The following UMODL1 variants were observed in gnomAD, a reference collection of about 807,000 sequenced individuals.
UMODL1 encodes uromodulin-like 1.
In UMODL1, 128 loss-of-function variants were observed where a neutral mutation model predicts 136.3. The ratio of observed to expected loss-of-function variants is 0.94; its 90% CI spans 0.81 to 1.09. The LOEUF is 1.09. Among genes scored for constraint, UMODL1 ranks in the 50% least tolerant of loss-of-function variants. The probability of loss-of-function intolerance (pLI) is 0.00; values close to 1 mark genes in which losing one functional copy is unlikely to be tolerated. For synonymous variants in UMODL1, 721 were observed against 720.0 expected, an observed-to-expected ratio of 1.00 and a Z score of -0.02; for missense variants, 1,766 against 1,725.6, an observed-to-expected ratio of 1.02 and a Z score of -0.41.
At chr21:42,120,845 C>T (rs35048950) in intron 15 of UMODL1, 140,723 of 417,552 alleles carry the variant, frequency 0.34, 25,013 homozygotes, top group Middle Eastern at 0.41. Context: ...TGCCCAGATC[C>T]CCCTCCCAGC....
chr21:42,128,804 G>A (rs560299734), intron 20 of UMODL1, among the ~76,000 whole-genome samples: 42 of 152,222 alleles, frequency 2.8e-4, no homozygotes, highest in Non-Finnish European at 4.6e-4. Flanking sequence ...CAAGAGGAGC[G>A]GCACACAGTG....
intron 9 of UMODL1, among the ~76,000 whole-genome samples, chr21:42,105,375 T>C (rs1295997795): frequency 1.3e-5 from 2 of 149,816 alleles, no homozygotes; most frequent in Admixed American, 6.6e-5. Flanking sequence ...GCCTCCCTCC[T>C]CCCATCCTCT....
At chr21:42,063,983 G>A (rs1290121346) in intron 1 of UMODL1, among the ~76,000 whole-genome samples, 2 of 152,168 alleles carry the variant, frequency 1.3e-5, no homozygotes, top group African/African-American at 4.8e-5. Flanking sequence ...AGCGCCTGTG[G>A]GATGTGTGGG....
At chr21:42,067,017 C>T (rs145536560), upstream of UMODL1, among the ~76,000 whole-genome samples, 1,709 of 149,388 alleles carry the variant, frequency 0.011, 14 homozygotes, top group Non-Finnish European at 0.017. Context: ...CTCTGTCCTC[C>T]AGGCTGGAGT....
Position 42,113,790 on chromosome 21 carries a change from T to G in UMODL1, c.2322T>G (p.Cys774Trp), listed in dbSNP as rs1440925128. 2 of 1,613,812 alleles carry G rather than the reference T, an allele frequency of 1.2e-6. No individual in the cohort carries two copies. Among genetic ancestry groups the G allele is most frequent in the African/African-American group, 1.3e-5 (1 of 74,888 alleles). The stretch of plus-strand genomic sequence containing the variant: ...TGGTTGAGATCATGGCCAAAGCATG[T>G]GGGAAAGAAGGTGCCAGAGCTCATC... ...LHLVEIMAKA[C>W]GKEGARAHLK... The change falls in exon 13 of 23, where the codon TGT (cysteine) becomes TGG (tryptophan). Residue 774 changes from cysteine to tryptophan, a missense_variant. Coordinates refer to ENST00000408910, the MANE Select transcript of UMODL1 (RefSeq NM_001004416.3).
chr21:42,129,907 C>T lies in UMODL1; in HGVS notation c.3775+110C>T, dbSNP rs2067111600. The T allele has an allele frequency of 6.4e-6, 5 of 786,640 alleles. No individual in the cohort carries two copies. The South Asian group carries it at 6.4e-5, about 10-fold the overall frequency. 48.7% of individuals were successfully genotyped at this position (786,640 alleles called of 1,614,324 possible). A position where few individuals can be genotyped will look rare whatever the true frequency, so the allele number is the denominator to read the frequency against. ...TGTGAAATGCAGAACTCTTGAGAGA[C>T]TTCTAAGAGGCTTATCATAACAGAA... On this transcript the variant is annotated intron_variant, in intron 21 of 22. Transcript: ENST00000408910.
In UMODL1 at chr21:42,117,842, G is replaced by A. The variant is rs184676502; in HGVS notation, c.2476-1269G>A. 2.2e-3 allele frequency among the ~76,000 whole-genome samples: 330 copies of A among 152,306 alleles called. 3 individuals are homozygous for A. Among genetic ancestry groups the A allele is most frequent in the East Asian group, 9.6e-4 (5 of 5,190 alleles). ...AACACTGAATCCTTCCACCTGGCTC[G>A]AGTGGTCAAAAGAGGCAGCTCCGTT... On this transcript the variant is annotated intron_variant, in intron 14 of 22. Coordinates refer to ENST00000408910, the MANE Select transcript of UMODL1 (RefSeq NM_001004416.3).
At chr21:42,098,830 G>A (rs1480208794) in intron 6 of UMODL1, 96 bp from the exon 7 acceptor site, 1 of 1,528,872 alleles carries the variant, frequency 6.5e-7, no homozygotes, top group African/African-American at 1.4e-5. Context: ...ATAAATCAGT[G>A]AGAACCAAGT....
At chr21:42,083,255 G>C (rs185072144) in intron 2 of UMODL1, among the ~76,000 whole-genome samples, 2 of 152,330 alleles carry the variant, frequency 1.3e-5, no homozygotes, top group African/African-American at 4.8e-5. Flanking sequence ...GTCTACACCA[G>C]GCCGTTCTTC....
intron 15 of UMODL1, chr21:42,120,875 T>C (rs891529763): frequency 2.9e-5 from 15 of 508,756 alleles, no homozygotes; most frequent in Non-Finnish European, 4.0e-5. Flanking sequence ...GAATCCTCCT[T>C]CCAGAACAGC....
chr21:42,081,545 C>T (rs533588044), intron 2 of UMODL1, among the ~76,000 whole-genome samples: 12 of 152,316 alleles, frequency 7.9e-5, no homozygotes, highest in African/African-American at 2.6e-4. Context: ...AGTTAAGATG[C>T]AAACCTTTCA....
chr21:42,090,350 G>C lies in UMODL1; in HGVS notation c.843G>C (p.Leu281=), dbSNP rs752485639. ...EELNACSGRE[L]CANLEGSYWC... ...TCAATGCCTGCTCTGGAAGGGAACT[G>C]TGCGCAAACCTGGAGGGCTCGTACT... The change falls in exon 6 of 23, where the codon CTG becomes CTC. Residue 281 remains leucine (L), a synonymous_variant. Coordinates refer to ENST00000408910, the MANE Select transcript of UMODL1 (RefSeq NM_001004416.3). The C allele has an allele frequency of 6.2e-7, 1 of 1,614,194 alleles. No individual in the cohort carries two copies. The highest frequency in any genetic ancestry group is 1.1e-5 in the South Asian group (1 of 91,070).
At chr21:42,095,064 C>T (rs1370979670) in intron 6 of UMODL1, among the ~76,000 whole-genome samples, 1 of 123,736 alleles carries the variant, frequency 8.1e-6, no homozygotes, top group East Asian at 2.8e-4. Flanking sequence ...CTTGTGGCTG[C>T]ATCACTCCTT....
chr21:42,075,785 G>A (rs1027510300), intron 1 of UMODL1, among the ~76,000 whole-genome samples: 3 of 152,244 alleles, frequency 2.0e-5, no homozygotes, highest in Non-Finnish European at 4.4e-5. Flanking sequence ...GCCAGGCTAC[G>A]TTTATGCTTT....
chr21:42,078,903 C>A lies in UMODL1; in HGVS notation c.319+2656C>A, dbSNP rs76875292. On this transcript the variant is annotated intron_variant, in intron 2 of 22. Transcript: ENST00000408910. ...TGCCTGGCCCCATTTCCACTTTCTT[C>A]GAGGGCCACACACACAGAGGGGCCT... is the stretch of plus-strand genomic sequence containing the variant. 3.3e-5 allele frequency among the ~76,000 whole-genome samples: 5 copies of A among 150,064 alleles called. No individual in the cohort carries two copies. In the South Asian group the frequency reaches 6.2e-4, roughly 19 times the overall value.
chr21:42,086,594 T>C, intron 4 of UMODL1: 1 of 455,462 alleles, frequency 2.2e-6, no homozygotes, highest in Non-Finnish European at 4.4e-6. Context: ...TGCCTGGCCC[T>C]AGTGTTGCCA....
In UMODL1 at chr21:42,108,394, G is replaced by A. The variant is rs370410417; in HGVS notation, c.1520-1168G>A. 1.6e-3 allele frequency: 828 copies of A among 507,006 alleles called. 2 individuals carry two copies. Among genetic ancestry groups the A allele is most frequent in the Non-Finnish European group, 2.2e-3 (553 of 246,660 alleles). 31.4% of individuals were successfully genotyped at this position (507,006 alleles called of 1,614,324 possible). On this transcript the variant is annotated intron_variant, in intron 9 of 22. Transcript: ENST00000408910. ...AGCCCCCAGGCCATGCTAGGGTGGT[G>A]GCATAGCTGTTGTGGCAGCTGACGA...
chr21:42,063,643 TG>T (rs2146400318), intron 1 of UMODL1, among the ~76,000 whole-genome samples: 1 of 152,304 alleles, frequency 6.6e-6, no homozygotes, highest in African/African-American at 2.4e-5. Context: ...TCAGACCCCC[TG>T]GAGGAATCCC....
intron 2 of UMODL1, among the ~76,000 whole-genome samples, chr21:42,083,733 A>G (rs1357623770): frequency 1.3e-5 from 2 of 152,114 alleles, no homozygotes; most frequent in East Asian, 3.9e-4. Flanking sequence ...ACAAATATTG[A>G]ATGAATGAAT....
Sources: allele counts gnomAD v4.1 joint callset (sites outside exome capture counted in the v4.1 genomes callset), GRCh38; gene constraint gnomAD v4.1.1; transcripts MANE v1.5; gene names NCBI Gene and HGNC (gene_info 2026-07-23, HGNC 2026-07-21).